SRPX: variants seen among roughly 807,000 people sequenced by gnomAD.
SRPX encodes sushi repeat containing protein X-linked, also known as sushi repeat-containing protein SRPX.
In SRPX, 24 loss-of-function variants were observed where a neutral mutation model predicts 38.1. The ratio of observed to expected loss-of-function variants is 0.63; its 90% CI spans 0.46 to 0.89. SRPX has a LOEUF of 0.89. Ranked by LOEUF, SRPX falls within the 40% of genes least tolerant of loss-of-function variation. SRPX has a pLI of 0.00. For synonymous variants in SRPX, 184 were observed against 153.8 expected (o/e 1.20, Z -1.45); for missense variants, 416 against 377.8 (o/e 1.10, Z -0.84).
intron 4 of SRPX, among the ~76,000 whole-genome samples, chrX:38,165,942 T>C (rs1404497796): frequency 1.8e-5 from 2 of 111,894 alleles, no homozygotes; most frequent in Admixed American, 1.9e-4. Flanking sequence ...TCAAAGTAAA[T>C]GAGATGTCAA....
At chrX:38,197,706 T>C (rs1177608218) in intron 1 of SRPX, among the ~76,000 whole-genome samples, 2 of 112,237 alleles carry the variant, frequency 1.8e-5, no homozygotes, top group Admixed American at 9.4e-5. Context: ...GAATGGTGAA[T>C]AAACTTTAGA....
rs144028279 is a variant in SRPX, at chrX:38,157,602, A to G, written c.956-573T>C. Reference sequence around the variant, plus strand: ...CTGGGTAATTCAGGATACTCTTCCCATTTCAAAATCCTTAACTTATTACAT... The same window carrying G: ...CTGGGTAATTCAGGATACTCTTCCCGTTTCAAAATCCTTAACTTATTACAT... On this transcript the variant is annotated intron_variant, in intron 7 of 9. Coordinates refer to ENST00000378533, the MANE Select transcript of SRPX (RefSeq NM_006307.5). Among the ~76,000 whole-genome samples the G allele has an allele frequency of 1.6e-3, 178 of 112,118 alleles. 1 individual carries two copies. The highest frequency in any genetic ancestry group is 5.4e-3 in the African/African-American group (165 of 30,838).
chrX:38,201,020 G>T (rs1365304208), intron 1 of SRPX, among the ~76,000 whole-genome samples: 1 of 111,772 alleles, frequency 8.9e-6, no homozygotes, highest in African/African-American at 3.3e-5. Context: ...TAACATATTT[G>T]TTCCTGGTAC....
At chrX:38,187,695 T>G (rs898922582) in intron 1 of SRPX, among the ~76,000 whole-genome samples, 1 of 112,176 alleles carries the variant, frequency 8.9e-6, no homozygotes, top group African/African-American at 3.2e-5. Context: ...CAGGTGAGTG[T>G]ACAAACATTT....
chrX:38,217,482 G>A (rs1939439172), intron 1 of SRPX, among the ~76,000 whole-genome samples: 1 of 111,393 alleles, frequency 9.0e-6, no homozygotes, highest in Admixed American at 9.6e-5. Flanking sequence ...ATAAGGATAG[G>A]ATTTTAGGAA....
At chrX:38,209,024 GA>G (rs1349226006) in intron 1 of SRPX, among the ~76,000 whole-genome samples, 1 of 105,613 alleles carries the variant, frequency 9.5e-6, no homozygotes, top group African/African-American at 3.4e-5. Context: ...AAAAATTTTG[GA>G]AAAAAAGTGG....
rs771027159 is a variant in SRPX at position 38,195,329 on chromosome X, C to T, written c.98-16985G>A. ...CAAGGACTACAGGGTAAAGTTTTTG[C>T]TCTTTTTTTGGTAAGTTCTTATTAA... On this transcript the variant is annotated intron_variant, in intron 1 of 9. Transcript: ENST00000378533. Among the ~76,000 whole-genome samples, 58 of 107,372 alleles carry T rather than the reference C, an allele frequency of 5.4e-4. No individual in the cohort carries two copies. The Admixed American group carries it at 5.6e-3, about 10-fold the overall frequency. The allele number at this position is 107,372 out of a possible 115,157, so 93.2% of individuals were successfully genotyped here.
chrX:38,171,609 T>C (rs1938471236), intron 4 of SRPX, among the ~76,000 whole-genome samples: 1 of 111,691 alleles, frequency 9.0e-6, no homozygotes, highest in Non-Finnish European at 1.9e-5. Context: ...AGCAGGAGTA[T>C]GCCACATCTC....
Position 38,171,939 on chromosome X carries a change from C to T in SRPX, c.468G>A (p.Glu156=). The T allele has an allele frequency of 1.7e-6, 2 of 1,211,860 alleles. No homozygotes were observed. The highest frequency in any genetic ancestry group is 2.2e-6 in the Non-Finnish European group (2 of 895,543). The part of the protein sequence containing the change: ...YCSPGYTLKG[E]RTVTCMDNKA... The stretch of plus-strand genomic sequence containing the variant: ...TGTTGTCCATACATGTGACGGTCCG[C>T]TCCCCTTTCAACGTGTATCCTGGTG... The change falls in exon 4 of 10, where the codon GAG becomes GAA. Residue 156 remains glutamate (E), a synonymous_variant. Transcript: ENST00000378533.
At position 38,160,916 on chromosome X, in the gene SRPX, A is replaced by G. The variant is rs1286165772; in HGVS notation, c.775+17T>C. 8.3e-7 allele frequency: 1 copy of G among 1,203,560 alleles called. No individual in the cohort carries two copies. The highest frequency in any genetic ancestry group is 1.1e-6 in the Non-Finnish European group (1 of 891,702). On this transcript the variant is annotated intron_variant, in intron 6 of 9. Transcript: ENST00000378533. ...CTAAAGAGAGGGGGAAACAAAACCA[A>G]TAAGCAGTACTCTTACCTCTTACTT...
At chrX:38,215,955 T>C (rs1939416432) in intron 1 of SRPX, among the ~76,000 whole-genome samples, 1 of 112,445 alleles carries the variant, frequency 8.9e-6, no homozygotes, top group Non-Finnish European at 1.9e-5. Context: ...ACTCTGTATG[T>C]TGATTTTTCT....
intron 1 of SRPX, among the ~76,000 whole-genome samples, chrX:38,195,994 A>G (rs1350333678): frequency 8.9e-5 from 10 of 112,265 alleles, no homozygotes; most frequent in Admixed American, 8.5e-4. Flanking sequence ...AAGGGAAACC[A>G]AAGAAGTGTC....
chrX:38,150,023 T>C (rs1423485867), intron 9 of SRPX, 129 bp from the exon 10 acceptor site: 1 of 537,753 alleles, frequency 1.9e-6, no homozygotes, highest in East Asian at 3.9e-5. Context: ...TGAATCATCC[T>C]TTAGACCCTG....
rs1485169055 is a variant in SRPX at position 38,164,873 on chromosome X, C to T, written c.549G>A (p.Lys183=). The change falls in exon 5 of 10, where the codon AAG becomes AAA. Residue 183 remains lysine, a synonymous_variant. Coordinates refer to ENST00000378533, the MANE Select transcript of SRPX (RefSeq NM_006307.5). The part of the protein sequence containing the change: ...SCVDMEPPRI[K]CPSVKERIAE... ...CAATGCGTTCCTTCACACTTGGGCA[C>T]TTGATTCTAGGAGGTTCCATATCTG... The T allele has an allele frequency of 8.3e-7, 1 of 1,210,353 alleles. No homozygotes were observed. Among genetic ancestry groups the T allele is most frequent in the East Asian group, 3.0e-5 (1 of 33,813 alleles).
intron 1 of SRPX, among the ~76,000 whole-genome samples, chrX:38,191,294 G>C (rs1938898864): frequency 8.9e-6 from 1 of 112,015 alleles, no homozygotes; most frequent in Non-Finnish European, 1.9e-5. Context: ...CATCTGGTTT[G>C]AGATAAGAAA....
In SRPX at chrX:38,160,120, G is replaced by C; in HGVS notation, c.852C>G (p.Ala284=). The part of the protein sequence containing the change: ...KCSSDGDNYG[A]TCEFSCIGGY... ...CGCCGATGCAGGAGAACTCACAGGT[G>C]GCTCCATAATTATCACCGTCGCTGG... Residue 284 remains alanine (A), a synonymous_variant, in exon 7 of 10, where the codon GCC becomes GCG. Coordinates refer to ENST00000378533, the MANE Select transcript of SRPX (RefSeq NM_006307.5). 8.3e-7 allele frequency: 1 copy of C among 1,211,780 alleles called. No individual in the cohort carries two copies. The highest frequency in any genetic ancestry group is 1.8e-5 in the South Asian group (1 of 56,935).
chrX:38,220,398 C>G (rs1187184089), intron 1 of SRPX, among the ~76,000 whole-genome samples: 1 of 113,299 alleles, frequency 8.8e-6, no homozygotes, highest in Admixed American at 9.2e-5. Context: ...CTCTGTGGAG[C>G]CTCCTACACC....
At chrX:38,211,933 A>G (rs1939332461) in intron 1 of SRPX, among the ~76,000 whole-genome samples, 1 of 111,011 alleles carries the variant, frequency 9.0e-6, no homozygotes, top group Admixed American at 9.6e-5. Context: ...CCTCCCCGCT[A>G]ACCCCAGTGT....
chrX:38,187,142 T>C (rs1034190152), intron 1 of SRPX, among the ~76,000 whole-genome samples: 1 of 111,964 alleles, frequency 8.9e-6, no homozygotes, highest in Non-Finnish European at 1.9e-5. Context: ...CATTTTCTAC[T>C]TAATTATGTG....
Sources: allele counts gnomAD v4.1 joint callset (sites outside exome capture counted in the v4.1 genomes callset), GRCh38; gene constraint gnomAD v4.1.1; transcripts MANE v1.5; gene names NCBI Gene and HGNC (gene_info 2026-07-23, HGNC 2026-07-21).